RANBP17: variants seen among roughly 807,000 people sequenced by gnomAD.
RANBP17 encodes RAN binding protein 17.
RANBP17 carries 158 observed loss-of-function variants against 141.2 expected under a neutral mutation model. That is an observed-to-expected ratio of 1.12 (90% confidence interval 0.98 to 1.28). The LOEUF is 1.28. RANBP17 is among the 50% of genes most tolerant of loss of function. RANBP17 has a pLI of 0.00. For missense variants in RANBP17, 1,438 were observed against 1,290.7 expected (o/e 1.11, Z -1.75); for synonymous variants, 430 against 450.0 (o/e 0.96, Z 0.56).
At chr5:171,286,270 T>G (rs1393280806) in intron 25 of RANBP17, among the ~76,000 whole-genome samples, 2 of 152,180 alleles carry the variant, frequency 1.3e-5, no homozygotes, top group Non-Finnish European at 2.9e-5. Context: ...GTAAAAAGCT[T>G]CTTTTTTTAA....
chr5:171,026,096 A>T (rs929429376), intron 14 of RANBP17, among the ~76,000 whole-genome samples: 3 of 152,322 alleles, frequency 2.0e-5, no homozygotes, highest in South Asian at 2.1e-4. Flanking sequence ...ATGTCTTTTA[A>T]TTATCACAAA....
chr5:171,229,316 A>T, intron 22 of RANBP17, among the ~76,000 whole-genome samples: 1 of 152,238 alleles, frequency 6.6e-6, no homozygotes, highest in East Asian at 1.9e-4. Context: ...GGCCTTCAGG[A>T]TGATAGCTGA....
At chr5:170,888,293 A>G (rs186693681) in intron 3 of RANBP17, among the ~76,000 whole-genome samples, 67 of 152,334 alleles carry the variant, frequency 4.4e-4, no homozygotes, top group African/African-American at 1.5e-3. Context: ...ATCTTTAGAT[A>G]TAGTTGGAAA....
intron 22 of RANBP17, among the ~76,000 whole-genome samples, chr5:171,234,184 A>G (rs1468055639): frequency 6.6e-6 from 1 of 152,114 alleles, no homozygotes; most frequent in Non-Finnish European, 1.5e-5. Flanking sequence ...TAAATGAGGG[A>G]GTTAGTCACG....
intron 14 of RANBP17, among the ~76,000 whole-genome samples, chr5:171,136,238 A>AT (rs1475608022): frequency 1.3e-5 from 2 of 152,076 alleles, no homozygotes; most frequent in East Asian, 3.8e-4. Context: ...TTAATCACAA[A>AT]TTTTTTTATT....
At chr5:170,900,412 T>C (rs1044975566) in intron 5 of RANBP17, among the ~76,000 whole-genome samples, 1 of 152,158 alleles carries the variant, frequency 6.6e-6, no homozygotes, top group African/African-American at 2.4e-5. Flanking sequence ...TTTTTTTCTT[T>C]GTTAGTCTGG....
At position 171,124,017 on chromosome 5, in the gene RANBP17, G is replaced by T. The variant is rs564867782; in HGVS notation, c.1711-46113G>T. ...CAAAGGAGCACATTAATTCTCTAAA[G>T]TAACAGATCCCCAAAAAAAGAAAAT... On this transcript the variant is annotated intron_variant, in intron 14 of 27. Coordinates refer to ENST00000523189, the MANE Select transcript of RANBP17 (RefSeq NM_022897.5). Among the ~76,000 whole-genome samples the T allele has an allele frequency of 3.9e-5, 6 of 152,108 alleles. No homozygotes were observed. In the East Asian group the frequency reaches 1.2e-3, roughly 29 times the overall value.
At chr5:171,281,811 G>A (rs72829426) in intron 25 of RANBP17, among the ~76,000 whole-genome samples, 18,672 of 152,206 alleles carry the variant, frequency 0.12, 1,455 homozygotes, top group East Asian at 0.21. Flanking sequence ...TGTAGATAAC[G>A]AGAGGCATTC....
chr5:171,251,447 A>G (rs138138960), intron 24 of RANBP17, among the ~76,000 whole-genome samples: 1,602 of 152,266 alleles, frequency 0.011, 27 homozygotes, highest in African/African-American at 0.036. Flanking sequence ...AAAACCAGAA[A>G]TCAATACCAA....
At chr5:171,258,622 A>G (rs1410939241) in intron 24 of RANBP17, among the ~76,000 whole-genome samples, 1 of 152,206 alleles carries the variant, frequency 6.6e-6, no homozygotes, top group Non-Finnish European at 1.5e-5. Context: ...ACAAGAATAC[A>G]CAATGGGGAA....
chr5:171,149,162 C>T (rs996360073), intron 14 of RANBP17, among the ~76,000 whole-genome samples: 2 of 152,212 alleles, frequency 1.3e-5, no homozygotes, highest in Admixed American at 6.5e-5. Context: ...ACAAAGGCCC[C>T]TTTCCTCATT....
At chr5:170,933,151 T>C (rs1481241334) in intron 12 of RANBP17, among the ~76,000 whole-genome samples, 2 of 152,202 alleles carry the variant, frequency 1.3e-5, no homozygotes, top group Non-Finnish European at 2.9e-5. Context: ...AGGGTGTATG[T>C]GTCCAGGAAT....
intron 14 of RANBP17, among the ~76,000 whole-genome samples, chr5:171,005,722 A>G (rs1423881123): frequency 1.7e-4 from 26 of 152,360 alleles, no homozygotes; most frequent in Admixed American, 8.5e-4. Flanking sequence ...AGCAATGGCA[A>G]CAAAAGCCAG....
intron 14 of RANBP17, among the ~76,000 whole-genome samples, chr5:171,114,974 CATG>C (rs972509450): frequency 2.6e-5 from 4 of 151,964 alleles, no homozygotes; most frequent in Non-Finnish European, 4.4e-5. Context: ...AATGGTTGGA[CATG>C]GTGGTGTGCG....
At chr5:171,159,052 C>A (rs576797417) in intron 14 of RANBP17, among the ~76,000 whole-genome samples, 1 of 152,264 alleles carries the variant, frequency 6.6e-6, no homozygotes, top group Non-Finnish European at 1.5e-5. Flanking sequence ...CTGAATTATT[C>A]ATTACATTTT....
chr5:171,213,661 T>C lies in RANBP17; in HGVS notation c.2262T>C (p.Asn754=). 6.2e-7 allele frequency: 1 copy of C among 1,613,852 alleles called. No individual in the cohort carries two copies. Among genetic ancestry groups the C allele is most frequent in the Non-Finnish European group, 8.5e-7 (1 of 1,179,762 alleles). Residue 754 remains asparagine, a synonymous_variant, in exon 21 of 28, where the codon AAT becomes AAC. Coordinates refer to ENST00000523189, the MANE Select transcript of RANBP17 (RefSeq NM_022897.5). ...CAACGTACCTTCCCCTTCTTCAGAA[T>C]GCTGTTGAACGGTGGTATGGAGAGC... The part of the protein sequence containing the change: ...MYPTYLPLLQ[N]AVERWYGEPT...
chr5:170,982,560 A>G (rs1777849122), intron 14 of RANBP17, among the ~76,000 whole-genome samples: 1 of 152,336 alleles, frequency 6.6e-6, no homozygotes, highest in African/African-American at 2.4e-5. Flanking sequence ...AAAGTAGCCA[A>G]TATCACCTAG....
At chr5:170,890,828 T>C (rs879578958) in intron 3 of RANBP17, among the ~76,000 whole-genome samples, 5 of 152,232 alleles carry the variant, frequency 3.3e-5, no homozygotes, top group Non-Finnish European at 5.9e-5. Flanking sequence ...ATTCTACTTA[T>C]GCTTTCTTGA....
chr5:171,242,960 C>T, intron 24 of RANBP17, 140 bp downstream of exon 24: 1 of 764,282 alleles, frequency 1.3e-6, no homozygotes, highest in Non-Finnish European at 2.1e-6. Flanking sequence ...TTATTACTTG[C>T]AAGTGGGAAA....
Sources: gnomAD v4.1 joint callset for allele counts (sites outside exome capture counted in the v4.1 genomes callset) on GRCh38, gnomAD v4.1.1 for gene constraint, MANE v1.5 for transcripts, NCBI Gene and HGNC (gene_info 2026-07-23, HGNC 2026-07-21) for gene names.